The following GALNTL6 variants were observed in gnomAD, a reference collection of about 807,000 sequenced individuals.
GALNTL6 encodes the protein polypeptide N-acetylgalactosaminyltransferase like 6.
Under a neutral mutation model 73.7 loss-of-function variants are expected in GALNTL6, and 46 were observed. The ratio of observed to expected loss-of-function variants is 0.62; its 90% CI spans 0.49 to 0.80. The LOEUF (loss-of-function observed/expected upper bound fraction) is 0.80. GALNTL6 is among the 30% of genes least tolerant of loss of function. GALNTL6 has a pLI of 0.00. For missense variants in GALNTL6, 604 were observed against 755.0 expected, an observed-to-expected ratio of 0.80 and a Z score of 2.34; for synonymous variants, 259 against 263.7, an observed-to-expected ratio of 0.98 and a Z score of 0.17.
intron 5 of GALNTL6, among the ~76,000 whole-genome samples, chr4:172,766,209 C>T (rs1284624554): frequency 6.6e-6 from 1 of 152,144 alleles, no homozygotes; most frequent in Non-Finnish European, 1.5e-5. Flanking sequence ...TACATTCTTT[C>T]GGTCCCTAAA....
chr4:173,004,744 C>A (rs921336485), intron 10 of GALNTL6, among the ~76,000 whole-genome samples: 1 of 152,156 alleles, frequency 6.6e-6, no homozygotes, highest in Non-Finnish European at 1.5e-5. Flanking sequence ...AAGTCTCAAG[C>A]CTTTCTTCCA....
At chr4:172,174,500 T>G (rs1734931625) in intron 2 of GALNTL6, among the ~76,000 whole-genome samples, 3 of 152,172 alleles carry the variant, frequency 2.0e-5, no homozygotes, top group Admixed American at 6.5e-5. Context: ...CAAAATTACT[T>G]TATGTGAAAT....
chr4:172,117,766 C>T (rs1733026428), intron 2 of GALNTL6, among the ~76,000 whole-genome samples: 2 of 151,980 alleles, frequency 1.3e-5, no homozygotes, highest in South Asian at 2.1e-4. Context: ...TGAATCTCAA[C>T]AACATTGTTG....
intron 5 of GALNTL6, among the ~76,000 whole-genome samples, chr4:172,439,736 G>A (rs1731761499): frequency 6.6e-6 from 1 of 151,886 alleles, no homozygotes; most frequent in Admixed American, 6.6e-5. Flanking sequence ...CCAAATTCCT[G>A]AATCCCTTGT....
chr4:172,847,128 A>G (rs952370405), intron 7 of GALNTL6, among the ~76,000 whole-genome samples: 3 of 152,198 alleles, frequency 2.0e-5, no homozygotes, highest in African/African-American at 7.2e-5. Flanking sequence ...CTATAGCTTT[A>G]AAGCAGCCAC....
intron 5 of GALNTL6, among the ~76,000 whole-genome samples, chr4:172,758,125 C>T (rs370237017): frequency 4.6e-5 from 7 of 152,174 alleles, no homozygotes; most frequent in African/African-American, 1.7e-4. Flanking sequence ...ACACAACCAC[C>T]TATGTACACA....
intron 5 of GALNTL6, among the ~76,000 whole-genome samples, chr4:172,644,794 C>G (rs1740164733): frequency 6.6e-6 from 1 of 151,796 alleles, no homozygotes; most frequent in African/African-American, 2.4e-5. Flanking sequence ...TTTAGGCTTA[C>G]AAGATACTGT....
chr4:172,720,269 CA>C (rs1735384139), intron 5 of GALNTL6, among the ~76,000 whole-genome samples: 1 of 152,028 alleles, frequency 6.6e-6, no homozygotes, highest in Admixed American at 6.6e-5. Flanking sequence ...GTGAGTAAAG[CA>C]GGGTTTTATT....
chr4:172,582,245 T>G (rs1399149608), intron 5 of GALNTL6, among the ~76,000 whole-genome samples: 2 of 152,206 alleles, frequency 1.3e-5, no homozygotes, highest in Non-Finnish European at 2.9e-5. Flanking sequence ...GCCTGAATAC[T>G]GGCTTTCGAA....
intron 2 of GALNTL6, among the ~76,000 whole-genome samples, chr4:171,837,042 G>T (rs994954240): frequency 5.3e-5 from 8 of 152,136 alleles, no homozygotes; most frequent in African/African-American, 1.9e-4. Flanking sequence ...AATTTTACAA[G>T]GAGGAATATT....
At chr4:173,000,630 A>G (rs1752005053) in intron 10 of GALNTL6, among the ~76,000 whole-genome samples, 3 of 152,188 alleles carry the variant, frequency 2.0e-5, no homozygotes, top group South Asian at 4.1e-4. Context: ...AAGTTGGAGA[A>G]CCCACATTTC....
chr4:173,001,322 C>T (rs769458679), intron 10 of GALNTL6, among the ~76,000 whole-genome samples: 18 of 152,150 alleles, frequency 1.2e-4, no homozygotes, highest in Admixed American at 2.0e-4. Context: ...AATATATCTA[C>T]GTGCAAAAAA....
chr4:172,722,544 C>T (rs1579394429), intron 5 of GALNTL6, among the ~76,000 whole-genome samples: 1 of 152,006 alleles, frequency 6.6e-6, no homozygotes, highest in East Asian at 1.9e-4. Flanking sequence ...CTTTTTCTCT[C>T]AGGAACATTT....
intron 7 of GALNTL6, among the ~76,000 whole-genome samples, chr4:172,874,245 G>A (rs1227002715): frequency 6.6e-6 from 1 of 152,186 alleles, no homozygotes; most frequent in Non-Finnish European, 1.5e-5. Flanking sequence ...TGGTGTTTAT[G>A]GGAGAGATAA....
At chr4:173,007,190 T>C (rs1752339961) in intron 10 of GALNTL6, among the ~76,000 whole-genome samples, 1 of 152,204 alleles carries the variant, frequency 6.6e-6, no homozygotes. Flanking sequence ...AAACCTCCTC[T>C]CTGCCTCATT....
intron 5 of GALNTL6, among the ~76,000 whole-genome samples, chr4:172,399,029 A>T (rs377021007): frequency 1.3e-5 from 2 of 152,124 alleles, no homozygotes; most frequent in South Asian, 4.1e-4. Context: ...TTATTTAAAC[A>T]TTAATATAAA....
intron 3 of GALNTL6, among the ~76,000 whole-genome samples, chr4:172,278,091 A>G (rs1393237690): frequency 6.6e-6 from 1 of 152,146 alleles, no homozygotes; most frequent in Non-Finnish European, 1.5e-5. Flanking sequence ...ATTGATTTAT[A>G]TTATCATCTA....
chr4:172,701,496 C>A (rs1734025224), intron 5 of GALNTL6, among the ~76,000 whole-genome samples: 1 of 152,062 alleles, frequency 6.6e-6, no homozygotes. Flanking sequence ...TTGAGTCTTG[C>A]CATCAAGGCA....
intron 2 of GALNTL6, among the ~76,000 whole-genome samples, chr4:171,877,522 T>C (rs2110905460): frequency 6.6e-6 from 1 of 152,296 alleles, no homozygotes; most frequent in African/African-American, 2.4e-5. Context: ...ATTATACCTG[T>C]CCCCAGCCTC....
Sources: allele counts gnomAD v4.1 joint callset (sites outside exome capture counted in the v4.1 genomes callset), GRCh38; gene constraint gnomAD v4.1.1; transcripts MANE v1.5; gene names NCBI Gene and HGNC (gene_info 2026-07-23, HGNC 2026-07-21).